GTF2H1: variants seen among roughly 807,000 people sequenced by gnomAD.
GTF2H1 encodes BTF2 p62.
A neutral mutation model predicts 71.2 loss-of-function variants in GTF2H1; 16 were observed. The ratio of observed to expected loss-of-function variants is 0.22; its 90% CI spans 0.15 to 0.34. The LOEUF is 0.34. Ranked by LOEUF, GTF2H1 falls within the 10% of genes least tolerant of loss-of-function variation. The pLI, the probability that GTF2H1 is intolerant of heterozygous loss-of-function variation, is 1.00. For synonymous variants in GTF2H1, 215 were observed against 219.0 expected (o/e 0.98, Z 0.16); for missense variants, 498 against 648.2 (o/e 0.77, Z 2.52).
intron 1 of GTF2H1, among the ~76,000 whole-genome samples, 179 bp downstream of exon 1, chr11:18,322,919 C>T (rs1864555389): frequency 6.6e-6 from 1 of 152,138 alleles, no homozygotes; most frequent in African/African-American, 2.4e-5. Flanking sequence ...GAAGAGGCGA[C>T]CCCTAATCTA....
At chr11:18,336,992 C>T (rs561348120) in intron 3 of GTF2H1, among the ~76,000 whole-genome samples, 36 of 152,288 alleles carry the variant, frequency 2.4e-4, no homozygotes, top group African/African-American at 8.4e-4. Flanking sequence ...CTCAAGTGAT[C>T]TGCCTGCCTG....
rs766222714 is a variant in GTF2H1 at position 18,365,865 on chromosome 11, C to T, written c.1643C>T (p.Thr548Met). The change falls in exon 15 of 15, where the codon ACG (threonine) becomes ATG (methionine). Residue 548 changes from threonine (T) to methionine (M), a missense_variant. Thr to Met is a moderately conservative substitution (Grantham distance 81). Coordinates refer to ENST00000265963, the MANE Select transcript of GTF2H1 (RefSeq NM_005316.4). ...TWQSRRLMKK[T>M] ...CAGTCACGGCGTCTGATGAAGAAAA[C>T]GTGAGGTGGCCATGATGCTTACAGG... 4 of 1,609,358 alleles carry T rather than the reference C, an allele frequency of 2.5e-6. No homozygotes were observed. The highest frequency in any genetic ancestry group is 3.4e-6 in the Non-Finnish European group (4 of 1,175,794).
chr11:18,337,432 G>A (rs1351367549), intron 3 of GTF2H1, among the ~76,000 whole-genome samples: 1 of 151,766 alleles, frequency 6.6e-6, no homozygotes, highest in Non-Finnish European at 1.5e-5. Context: ...GTGACAGAGC[G>A]AGACTCCATC....
chr11:18,328,457 G>A (rs1306446509), intron 1 of GTF2H1, among the ~76,000 whole-genome samples: 6 of 132,640 alleles, frequency 4.5e-5, no homozygotes, highest in Non-Finnish European at 9.6e-5. Context: ...AGGTTGCAGT[G>A]AGCCAAGATC....
intron 11 of GTF2H1, among the ~76,000 whole-genome samples, chr11:18,352,790 C>A (rs78072642): frequency 0.017 from 2,615 of 152,300 alleles, 54 homozygotes; most frequent in African/African-American, 0.052. Context: ...AACAGCTCAT[C>A]ATTGTTCTTT....
chr11:18,335,645 C>T lies in GTF2H1; in HGVS notation c.155-109C>T, dbSNP rs1033056556. ...CAAAAGCATCAGTATTGGAATAGGGCAGTTAAAGCCCAAAGGAATCCTGAA... is the reference window on the plus strand; with the variant it reads ...CAAAAGCATCAGTATTGGAATAGGGTAGTTAAAGCCCAAAGGAATCCTGAA... On this transcript the variant is annotated intron_variant, in intron 2 of 14. Coordinates refer to ENST00000265963, the MANE Select transcript of GTF2H1 (RefSeq NM_005316.4). 7 of 711,208 alleles carry T rather than the reference C, an allele frequency of 9.8e-6. No individual in the cohort carries two copies. In the East Asian group the frequency reaches 1.8e-4, roughly 19 times the overall value. The allele number at this position is 711,208 out of a possible 1,614,324, so 44.1% of individuals were successfully genotyped here.
chr11:18,339,647 C>G lies in GTF2H1; in HGVS notation c.597C>G (p.Thr199=). ...ATATCATTGAGTCCATATTTAGGAC[C>G]TATCCAGCAGGTAAGAAGAATCAGT... is the stretch of plus-strand genomic sequence containing the variant. ...TSDIIESIFR[T]YPAVKMKYAE... The change falls in exon 5 of 15, where the codon ACC becomes ACG. Residue 199 remains threonine, a synonymous_variant. Coordinates refer to ENST00000265963, the MANE Select transcript of GTF2H1 (RefSeq NM_005316.4). 6.4e-7 allele frequency: 1 copy of G among 1,567,508 alleles called. No homozygotes were observed. The highest frequency in any genetic ancestry group is 8.8e-7 in the Non-Finnish European group (1 of 1,137,742).
intron 11 of GTF2H1, among the ~76,000 whole-genome samples, chr11:18,353,876 C>T (rs1468922516): frequency 6.6e-6 from 1 of 152,146 alleles, no homozygotes; most frequent in Non-Finnish European, 1.5e-5. Flanking sequence ...TCTTAAATAA[C>T]AGTACAATTA....
rs1438953562 is a variant in GTF2H1 at position 18,329,189 on chromosome 11, A to G, written c.-15-3871A>G. On this transcript the variant is annotated intron_variant, in intron 1 of 14. Transcript: ENST00000265963. Reference sequence around the variant, plus strand: ...TTAGGGTTGTGACATGGAATTTTTTAAATCCCTTTTTAATTAAAAGCAGTC... The same window carrying G: ...TTAGGGTTGTGACATGGAATTTTTTGAATCCCTTTTTAATTAAAAGCAGTC... Among the ~76,000 whole-genome samples the G allele has an allele frequency of 3.9e-5, 6 of 152,186 alleles. No homozygotes were observed. In the East Asian group the frequency reaches 1.2e-3, roughly 29 times the overall value.
At chr11:18,341,722 G>A in intron 7 of GTF2H1, 115 bp downstream of exon 7, 1 of 609,490 alleles carries the variant, frequency 1.6e-6, no homozygotes, top group Non-Finnish European at 2.8e-6. Flanking sequence ...GCAAAATACT[G>A]TTACTTGAAG....
chr11:18,343,232 T>TTTTTTG (rs1209420103), intron 7 of GTF2H1, among the ~76,000 whole-genome samples: 1 of 152,146 alleles, frequency 6.6e-6, no homozygotes, highest in Non-Finnish European at 1.5e-5. Flanking sequence ...CAAGCCCAGT[T>TTTTTTG]TTTTTGTTTT....
chr11:18,338,071 T>C (rs1554954100), intron 3 of GTF2H1, 38 bp from the exon 4 acceptor site: 3 of 1,437,126 alleles, frequency 2.1e-6, no homozygotes, highest in Non-Finnish European at 1.9e-6. Context: ...TGTTTTATTC[T>C]AGAAGTTCAG....
At chr11:18,361,188 T>G (rs1251231273) in intron 14 of GTF2H1, among the ~76,000 whole-genome samples, 1 of 152,120 alleles carries the variant, frequency 6.6e-6, no homozygotes, top group Non-Finnish European at 1.5e-5. Flanking sequence ...TACATACATA[T>G]TTTTTAAATA....
At chr11:18,328,839 A>G (rs1864831106) in intron 1 of GTF2H1, among the ~76,000 whole-genome samples, 1 of 152,178 alleles carries the variant, frequency 6.6e-6, no homozygotes, top group Admixed American at 6.5e-5. Context: ...AAAAAAAAGA[A>G]TATGGAATCA....
chr11:18,330,108 C>T (rs1421289870), intron 1 of GTF2H1, among the ~76,000 whole-genome samples: 1 of 152,116 alleles, frequency 6.6e-6, no homozygotes, highest in Non-Finnish European at 1.5e-5. Flanking sequence ...GAACAGAATG[C>T]CTAAGACCTA....
chr11:18,359,530 A>G (rs1865647036), intron 13 of GTF2H1, among the ~76,000 whole-genome samples: 2 of 152,154 alleles, frequency 1.3e-5, no homozygotes, highest in Non-Finnish European at 2.9e-5. Flanking sequence ...TTCAGCATTC[A>G]AATGAAACTT....
intron 3 of GTF2H1, among the ~76,000 whole-genome samples, chr11:18,336,936 A>T (rs1053876749): frequency 2.0e-5 from 3 of 151,864 alleles, no homozygotes; most frequent in African/African-American, 7.3e-5. Context: ...TCTATTTTTA[A>T]TACAGGGTTT....
chr11:18,364,289 A>C (rs1865772045), intron 14 of GTF2H1, among the ~76,000 whole-genome samples: 1 of 152,184 alleles, frequency 6.6e-6, no homozygotes. Flanking sequence ...TCAGACCTAA[A>C]CATTGACATG....
chr11:18,341,749 C>A, intron 7 of GTF2H1, 142 bp downstream of exon 7: 1 of 556,812 alleles, frequency 1.8e-6, no homozygotes, highest in Non-Finnish European at 3.2e-6. Context: ...ATCGGAAGTG[C>A]TTTGAAATAG....
Sources: allele counts gnomAD v4.1 joint callset (sites outside exome capture counted in the v4.1 genomes callset), GRCh38; gene constraint gnomAD v4.1.1; transcripts MANE v1.5; gene names NCBI Gene and HGNC (gene_info 2026-07-23, HGNC 2026-07-21).